Variants in F5 observed in about 807,000 individuals in gnomAD.
The protein encoded by F5 is coagulation factor V, also known as activated protein c cofactor.
F5 carries 138 observed loss-of-function variants against 216.4 expected under a neutral mutation model. The observed-to-expected ratio is 0.64, with a 90% CI of 0.56 to 0.73. F5 has a LOEUF of 0.73. Ranked by LOEUF, F5 falls within the 30% of genes least tolerant of loss-of-function variation. The pLI is 0.00. For synonymous variants in F5, 916 were observed against 930.7 expected (o/e 0.98, Z 0.29); for missense variants, 2,403 against 2,674.0 (o/e 0.90, Z 2.24).
At chr1:169,515,715 T>G in intron 23 of F5, 89 bp from the exon 24 acceptor site, 1 of 1,348,058 alleles carries the variant, frequency 7.4e-7, no homozygotes, top group Non-Finnish European at 1.0e-6. Flanking sequence ...AGCACAGAGC[T>G]CAAAAGGATT....
intron 3 of F5, among the ~76,000 whole-genome samples, chr1:169,564,949 A>C (rs925968585): frequency 6.6e-6 from 1 of 152,040 alleles, no homozygotes; most frequent in Non-Finnish European, 1.5e-5. Flanking sequence ...CTTAACGTGG[A>C]CCACAAGTCC....
In F5 at chr1:169,543,093, A is replaced by G; in HGVS notation, c.1997T>C (p.Met666Thr). 1 of 1,613,772 alleles carries G rather than the reference A, an allele frequency of 6.2e-7. No individual in the cohort carries two copies. The highest frequency in any genetic ancestry group is 8.5e-7 in the Non-Finnish European group (1 of 1,179,890). The change falls in exon 13 of 25, where the codon ATG becomes ACG. Residue 666 changes from methionine (M) to threonine (T), a missense_variant. Met to Thr is a moderately conservative substitution (Grantham distance 81, BLOSUM62 -1). This residue lies in a region of F5 where 1,425 missense variants were observed against 1,554.8 expected (regional missense o/e 0.92). Transcript: ENST00000367797. ...CTTTTTGCTTCTTGGACTAGAATTC[A>G]TGGAAGTTAACATCCAAGTTCCTAC... ...DNVGTWMLTS[M>T]NSSPRSKKLR...
intron 2 of F5, among the ~76,000 whole-genome samples, chr1:169,572,834 C>T (rs780381196): frequency 7.9e-5 from 12 of 152,026 alleles, no homozygotes; most frequent in East Asian, 1.9e-4. Flanking sequence ...AAAAACAGTA[C>T]GGGAAGAAAG....
chr1:169,548,532 T>C (rs1348338359), intron 10 of F5, among the ~76,000 whole-genome samples: 1 of 152,040 alleles, frequency 6.6e-6, no homozygotes, highest in East Asian at 1.9e-4. Flanking sequence ...AAAGGTAATA[T>C]GCAAAAGCAA....
At chr1:169,547,563 A>G (rs975734390) in intron 10 of F5, among the ~76,000 whole-genome samples, 2 of 152,248 alleles carry the variant, frequency 1.3e-5, no homozygotes, top group Non-Finnish European at 2.9e-5. Context: ...GAAGACACAC[A>G]TGTGGCCAAA....
intron 17 of F5, 143 bp downstream of exon 17, chr1:169,527,772 T>C: frequency 9.9e-7 from 1 of 1,011,106 alleles, no homozygotes; most frequent in Non-Finnish European, 1.5e-6. Context: ...TTTGGGTCTA[T>C]GGGTTTGCCT....
rs2101817787 is a variant in F5, at chr1:169,540,793, G to A, written c.4297C>T (p.Leu1433Phe). ...NFGQMSLSPD[L>F]SQVTLSPDIS... is the part of the protein sequence containing the mutation. ...TCTGGAGAGAGAGTCACCTGGCTGA[G>A]GTCTGGGGAAAGGGACATCTGACCA... Residue 1433 changes from leucine to phenylalanine, a missense_variant, in exon 13 of 25, where the codon CTC becomes TTC. Leu to Phe is a conservative substitution (Grantham distance 22). This residue lies in a region of F5 where 293 missense variants were observed against 270.8 expected (regional missense o/e 1.08). Transcript: ENST00000367797. The A allele has an allele frequency of 6.2e-7, 1 of 1,614,042 alleles. No homozygotes were observed. The highest frequency in any genetic ancestry group is 8.5e-7 in the Non-Finnish European group (1 of 1,179,976).
chr1:169,551,899 C>T (rs900900876), intron 8 of F5, among the ~76,000 whole-genome samples: 1 of 152,206 alleles, frequency 6.6e-6, no homozygotes, highest in Non-Finnish European at 1.5e-5. Context: ...TTACCTTCAT[C>T]AGAGTCCAAC....
rs1659818963 is a variant in F5, at chr1:169,540,844, C to T, written c.4246G>A (p.Gly1416Ser). Residue 1416 changes from glycine (G) to serine (S), a missense_variant, in exon 13 of 25, where the codon GGT (glycine) becomes AGT (serine). By Grantham distance (56) the Gly-to-Ser change is moderately conservative. Coordinates refer to ENST00000367797, the MANE Select transcript of F5 (RefSeq NM_000130.5). ...AAGTTTGGGGAAAGATCTGTCTCAC[C>T]AAGGTCTGGAGAAAGTGTCATCTGG... ...LDQMTLSPDL[G>S]ETDLSPNFGQ... The T allele has an allele frequency of 6.2e-7, 1 of 1,610,896 alleles. No individual in the cohort carries two copies. The highest frequency in any genetic ancestry group is 1.1e-5 in the South Asian group (1 of 90,810).
chr1:169,544,194 G>C, intron 12 of F5, 102 bp downstream of exon 12: 3 of 913,264 alleles, frequency 3.3e-6, no homozygotes, highest in South Asian at 1.4e-5. Flanking sequence ...GGGTCAGGGA[G>C]ATACATAGAG....
rs1659047949 is a variant in F5 at position 169,512,390 on chromosome 1, A to G, written c.*1923T>C. On this transcript the variant is annotated 3_prime_UTR_variant, in exon 25 of 25. Coordinates refer to ENST00000367797, the MANE Select transcript of F5 (RefSeq NM_000130.5). ...TCTAGATCAAGAGAGATCCTGCCCA[A>G]TTTCAGAGTAGAGAAGCCCAGGACT... Among the ~76,000 whole-genome samples, 1 of 152,046 alleles carries G rather than the reference A, an allele frequency of 6.6e-6. No homozygotes were observed. The highest frequency in any genetic ancestry group is 1.5e-5 in the Non-Finnish European group (1 of 67,970).
rs749384397 is a variant in F5, at chr1:169,542,227, T to C, written c.2863A>G (p.Ser955Gly). ...GRWHLASEKG[S>G]YEIIQDTDED... is the part of the protein sequence containing the mutation. ...TCAGTATCTTGGATTATTTCATAGC[T>C]ACCTTTCTCAGAAGCCAAATGCCAT... The change falls in exon 13 of 25, where the codon AGC (serine) becomes GGC (glycine). Residue 955 changes from serine (S) to glycine (G), a missense_variant. Ser to Gly is a moderately conservative substitution (Grantham distance 56). Around this residue, in one of 4 missense-constraint regions of F5, gnomAD observed 1,425 missense variants for 1,554.8 expected, o/e 0.92. Coordinates refer to ENST00000367797, the MANE Select transcript of F5 (RefSeq NM_000130.5). The C allele has an allele frequency of 2.5e-6, 4 of 1,614,108 alleles. No homozygotes were observed. In the South Asian group the frequency reaches 3.3e-5, roughly 13 times the overall value.
rs1297313985 is a variant in F5, at chr1:169,525,931, TCC to T, written c.5684_5685del (p.Gly1895AspfsTer13). The T allele has an allele frequency of 6.2e-7, 1 of 1,613,282 alleles. No homozygotes were observed. The highest frequency in any genetic ancestry group is 1.7e-5 in the Admixed American group (1 of 59,992). ...TCCATGATAAGAAATGGCGTTTGCA[TCC>T]CTGCTCTCTGGTTTTCTCCAACCTC... Reference protein sequence around the residue: ...NTEVGENQRAGMQTPFLIMDR... With the variant: ...NTEVGENQRAXMQTPFLIMDR... On this transcript the variant is annotated frameshift_variant, in exon 18 of 25. Coordinates refer to ENST00000367797, the MANE Select transcript of F5 (RefSeq NM_000130.5). LOFTEE classifies it high-confidence loss of function.
Position 169,573,531 on chromosome 1 carries a change from T to C in F5, c.251-1188A>G, listed in dbSNP as rs115715160. 6.5e-3 allele frequency among the ~76,000 whole-genome samples: 996 copies of C among 152,320 alleles called. 11 individuals carry two copies. Among genetic ancestry groups the C allele is most frequent in the African/African-American group, 0.023 (948 of 41,582 alleles). On this transcript the variant is annotated intron_variant, in intron 2 of 24. Transcript: ENST00000367797. The stretch of plus-strand genomic sequence containing the variant: ...ACAAGACTTGCTGATGGATTGCATG[T>C]GGCTTGTGAGAGACAGAAGTCAAGG...
chr1:169,531,650 T>C (rs1659598175), intron 14 of F5, among the ~76,000 whole-genome samples: 1 of 149,078 alleles, frequency 6.7e-6, no homozygotes, highest in Non-Finnish European at 1.5e-5. Flanking sequence ...AACTGGGCTG[T>C]GAAATGCACA....
intron 22 of F5, 106 bp from the exon 23 acceptor site, chr1:169,518,669 A>G (rs556081810): frequency 8.2e-7 from 1 of 1,222,032 alleles, no homozygotes; most frequent in Admixed American, 1.9e-5. Flanking sequence ...CAAATGACAA[A>G]AACAATAACC....
chr1:169,531,497 G>A (rs766478168), intron 14 of F5, among the ~76,000 whole-genome samples: 1 of 152,194 alleles, frequency 6.6e-6, no homozygotes, highest in Non-Finnish European at 1.5e-5. Context: ...AAGAATTAAG[G>A]TAAGTTTCTT....
At chr1:169,566,464 C>T (rs563897184) in intron 3 of F5, among the ~76,000 whole-genome samples, 2 of 152,094 alleles carry the variant, frequency 1.3e-5, no homozygotes, top group Middle Eastern at 3.4e-3. Context: ...CCTTCTTGAT[C>T]TCTGATTGTG....
Position 169,527,920 on chromosome 1 carries a change from A to T in F5, c.5594T>A (p.Leu1865Gln), listed in dbSNP as rs1659497927. Residue 1865 changes from leucine to glutamine, a missense_variant, in exon 17 of 25, where the codon CTG becomes CAG. Around this residue, in one of 4 missense-constraint regions of F5, gnomAD observed 659 missense variants for 787.9 expected, o/e 0.84. Coordinates refer to ENST00000367797, the MANE Select transcript of F5 (RefSeq NM_000130.5). ...TCCCATTACCCAATCTTTACCAGGC[A>T]GAAGGGGCCAGACCCCTAACTGGTG... ...KQHQLGVWPL[L>Q]PGSFKTLEMK... 6.2e-7 allele frequency: 1 copy of T among 1,613,454 alleles called. No individual in the cohort carries two copies. The highest frequency in any genetic ancestry group is 8.5e-7 in the Non-Finnish European group (1 of 1,179,694).
Sources: gnomAD v4.1 joint callset for allele counts (sites outside exome capture counted in the v4.1 genomes callset) on GRCh38, gnomAD v4.1.1 for gene constraint, gnomAD v4.1.1 regional missense constraint, MANE v1.5 for transcripts, NCBI Gene and HGNC (gene_info 2026-07-23, HGNC 2026-07-21) for gene names.